Variants in GALNT11 observed in about 807,000 individuals in gnomAD.
GALNT11 encodes UDP-GalNAc:polypeptide N-acetylgalactosaminyltransferase 11.
A neutral mutation model predicts 72.7 loss-of-function variants in GALNT11; 47 were observed. The observed-to-expected ratio is 0.65, with a 90% CI of 0.51 to 0.82. The LOEUF (loss-of-function observed/expected upper bound fraction) is 0.82, where lower values mean the gene tolerates loss of function less well. Among genes scored for constraint, GALNT11 ranks in the 40% least tolerant of loss-of-function variants. The pLI, the probability that GALNT11 is intolerant of heterozygous loss-of-function variation, is 0.00. For synonymous variants in GALNT11, 270 were observed against 286.6 expected (o/e 0.94, Z 0.58); for missense variants, 677 against 778.4 (o/e 0.87, Z 1.55).
chr7:152,119,211 AG>A (rs1389764933), intron 10 of GALNT11: 1 of 152,700 alleles, frequency 6.5e-6, no homozygotes, highest in African/African-American at 2.4e-5. Flanking sequence ...GAAATGGCCA[AG>A]GGAAGCACTA....
chr7:152,115,784 C>T lies in GALNT11; in HGVS notation c.1234-1373C>T, dbSNP rs150098023. ...CTTAAAAATTTTACTTGGCCGGGTGCGGTGGCGCATGCCTGTAATCCCAGC... is the reference window on the plus strand; with the variant it reads ...CTTAAAAATTTTACTTGGCCGGGTGTGGTGGCGCATGCCTGTAATCCCAGC... On this transcript the variant is annotated intron_variant, in intron 8 of 11. Transcript: ENST00000430044. Among the ~76,000 whole-genome samples, 1,326 of 152,046 alleles carry T rather than the reference C, an allele frequency of 8.7e-3. 6 individuals carry two copies. The highest frequency in any genetic ancestry group is 0.017 in the Middle Eastern group (5 of 294).
chr7:152,040,437 A>G (rs751248200), intron 1 of GALNT11, among the ~76,000 whole-genome samples: 75 of 152,198 alleles, frequency 4.9e-4, no homozygotes, highest in Non-Finnish European at 8.8e-4. Context: ...TTTCCAGGTA[A>G]TGCTGTATCT....
chr7:152,101,311 G>A (rs915060369), intron 3 of GALNT11, among the ~76,000 whole-genome samples: 2 of 151,810 alleles, frequency 1.3e-5, no homozygotes, highest in Admixed American at 6.6e-5. Flanking sequence ...AAGGCTTTTC[G>A]TGCATGTGGT....
At chr7:152,049,547 A>G (rs2083293547) in intron 1 of GALNT11, among the ~76,000 whole-genome samples, 1 of 152,178 alleles carries the variant, frequency 6.6e-6, no homozygotes, top group Non-Finnish European at 1.5e-5. Flanking sequence ...TGCTGTGGCC[A>G]CCACCACTGA....
chr7:152,030,548 C>T (rs578207664), intron 1 of GALNT11, among the ~76,000 whole-genome samples: 2 of 152,284 alleles, frequency 1.3e-5, no homozygotes, highest in African/African-American at 2.4e-5. Context: ...TGGAACAGCT[C>T]GTGCCCTCAG....
At chr7:152,044,153 C>G (rs968562238) in intron 1 of GALNT11, among the ~76,000 whole-genome samples, 1 of 152,120 alleles carries the variant, frequency 6.6e-6, no homozygotes, top group Non-Finnish European at 1.5e-5. Context: ...GGTCTCACAG[C>G]CTTCAGAGCT....
chr7:152,105,463 T>C, intron 5 of GALNT11, 93 bp downstream of exon 5: 2 of 1,502,630 alleles, frequency 1.3e-6, no homozygotes, highest in African/African-American at 1.4e-5. Context: ...CTATGAAGAG[T>C]AGTGTTTCAA....
intron 9 of GALNT11, chr7:152,117,985 A>C (rs1412464479): frequency 1.3e-5 from 2 of 153,152 alleles, no homozygotes; most frequent in Non-Finnish European, 2.9e-5. Context: ...CTAAAAGCTA[A>C]GGGCAGGTAC....
intron 6 of GALNT11, among the ~76,000 whole-genome samples, chr7:152,110,299 G>A (rs544180589): frequency 6.6e-6 from 1 of 152,270 alleles, no homozygotes; most frequent in Admixed American, 6.5e-5. Context: ...AAGAACTTTC[G>A]AGACTTAGAA....
chr7:152,025,787 C>A lies in GALNT11; in HGVS notation c.-136C>A. The A allele has an allele frequency of 5.1e-6, 1 of 195,142 alleles. No homozygotes were observed. The allele number at this position is 195,142 out of a possible 1,614,324, so 12.1% of individuals were successfully genotyped here. A position where few individuals can be genotyped will look rare whatever the true frequency, so the allele number is the denominator to read the frequency against. On this transcript the variant is annotated 5_prime_UTR_variant, in exon 1 of 12. Coordinates refer to ENST00000430044, the MANE Select transcript of GALNT11 (RefSeq NM_022087.4). ...CTGCTGGGCCCCGGGGCAGTTCAGC[C>A]CGCGCCGCTCCTGCGGGTCGGACTG... is the stretch of plus-strand genomic sequence containing the variant.
intron 5 of GALNT11, among the ~76,000 whole-genome samples, chr7:152,106,285 C>T (rs562791556): frequency 6.6e-6 from 1 of 152,220 alleles, no homozygotes; most frequent in African/African-American, 2.4e-5. Flanking sequence ...CTATATTCCA[C>T]GCTCTCCTAG....
intron 1 of GALNT11, chr7:152,074,473 CTA>C (rs1449401912): frequency 6.6e-6 from 1 of 152,204 alleles, no homozygotes; most frequent in Non-Finnish European, 1.5e-5. Context: ...TCTGGGTTCT[CTA>C]TTCTGTTCCA....
intron 11 of GALNT11, 63 bp from the exon 12 acceptor site, chr7:152,121,480 TCTC>T: frequency 3.8e-6 from 6 of 1,562,792 alleles, no homozygotes; most frequent in Non-Finnish European, 1.7e-6. Flanking sequence ...GTGCTCCATC[TCTC>T]CTCTGGATTT....
chr7:152,058,975 C>T (rs547631516), intron 1 of GALNT11, among the ~76,000 whole-genome samples: 6 of 150,074 alleles, frequency 4.0e-5, no homozygotes, highest in African/African-American at 1.3e-4. Flanking sequence ...AGTCTTGAAC[C>T]TGTCGGTCAA....
Position 152,110,512 on chromosome 7 carries a change from A to G in GALNT11, c.963-16A>G. The G allele has an allele frequency of 1.3e-6, 2 of 1,588,706 alleles. No homozygotes were observed. The highest frequency in any genetic ancestry group is 1.7e-6 in the Non-Finnish European group (2 of 1,159,312). Reference sequence around the variant, plus strand: ...CTGACTATAAGGAATGAGTACAGTAATTTTCCTTTTTCTAGGTCACCAACA... The same window carrying G: ...CTGACTATAAGGAATGAGTACAGTAGTTTTCCTTTTTCTAGGTCACCAACA... On this transcript the variant is annotated splice_polypyrimidine_tract_variant and intron_variant, in intron 6 of 11. Coordinates refer to ENST00000430044, the MANE Select transcript of GALNT11 (RefSeq NM_022087.4).
At position 152,103,260 on chromosome 7, in the gene GALNT11, G is replaced by C; in HGVS notation, c.568G>C (p.Asp190His). 1 of 1,612,854 alleles carries C rather than the reference G, an allele frequency of 6.2e-7. No individual in the cohort carries two copies. The highest frequency in any genetic ancestry group is 8.5e-7 in the Non-Finnish European group (1 of 1,178,974). Residue 190 changes from aspartate to histidine, a missense_variant, in exon 4 of 12, where the codon GAT becomes CAT. Physicochemically the swap from Asp to His is moderately conservative, Grantham distance 81. Transcript: ENST00000430044. ...CCTGCTTCATGAGATCATCCTTGTG[G>C]ATGATGATAGTGACTTTGGTAAGGA... ...AHLLHEIILV[D>H]DDSDFDDLKG... is the part of the protein sequence containing the mutation.
intron 1 of GALNT11, among the ~76,000 whole-genome samples, chr7:152,066,490 C>T (rs2129004481): frequency 6.6e-6 from 1 of 152,272 alleles, no homozygotes; most frequent in Admixed American, 6.5e-5. Flanking sequence ...ACCCGGTTAC[C>T]TCAGTTGGAA....
At chr7:152,105,417 G>A (rs776789583) in intron 5 of GALNT11, 47 bp downstream of exon 5, 4 of 1,587,246 alleles carry the variant, frequency 2.5e-6, no homozygotes, top group Non-Finnish European at 3.4e-6. Context: ...GATGACAAGG[G>A]CTCGAGCCTC....
At chr7:152,118,652 A>G in intron 9 of GALNT11, 26 bp from the exon 10 acceptor site, 1 of 1,602,314 alleles carries the variant, frequency 6.2e-7, no homozygotes, top group Non-Finnish European at 8.5e-7. Context: ...TGTTTCCCAC[A>G]TTCTGAGCTG....
Sources: allele counts gnomAD v4.1 joint callset (sites outside exome capture counted in the v4.1 genomes callset), GRCh38; gene constraint gnomAD v4.1.1; transcripts MANE v1.5; gene names NCBI Gene and HGNC (gene_info 2026-07-23, HGNC 2026-07-21).